Variants in LRRC7 observed in about 807,000 individuals in gnomAD.
The protein encoded by LRRC7 is leucine-rich repeat-containing protein 7.
Under a neutral mutation model 175.7 loss-of-function variants are expected in LRRC7, and 23 were observed. That is an observed-to-expected ratio of 0.13 (90% CI 0.09 to 0.19). LRRC7 has a LOEUF of 0.19. Ranked by LOEUF, LRRC7 falls within the 10% of genes least tolerant of loss-of-function variation. The pLI is 1.00. For synonymous variants in LRRC7, 685 were observed against 680.9 expected (o/e 1.01, Z -0.09); for missense variants, 1,354 against 1,904.7 (o/e 0.71, Z 5.38).
chr1:69,924,916 G>A (rs1252498966), intron 7 of LRRC7, among the ~76,000 whole-genome samples: 1 of 152,168 alleles, frequency 6.6e-6, no homozygotes, highest in Non-Finnish European at 1.5e-5. Context: ...TGCCCATTCA[G>A]TATGGTATTG....
At chr1:69,794,839 T>G (rs1675528883) in intron 4 of LRRC7, among the ~76,000 whole-genome samples, 1 of 152,222 alleles carries the variant, frequency 6.6e-6, no homozygotes, top group Non-Finnish European at 1.5e-5. Flanking sequence ...TTATATTTTT[T>G]CAACTCAGAA....
intron 1 of LRRC7, among the ~76,000 whole-genome samples, chr1:69,571,179 C>A (rs890190833): frequency 6.6e-6 from 1 of 152,152 alleles, no homozygotes; most frequent in African/African-American, 2.4e-5. Context: ...TGTGTACTTA[C>A]CATGGCCAAC....
At position 70,143,639 on chromosome 1, in the gene LRRC7, G is replaced by A. The variant is rs1667172971; in HGVS notation, c.*21752G>A. The A allele has an allele frequency of 6.6e-6, 1 of 152,070 alleles. No individual in the cohort carries two copies. The highest frequency in any genetic ancestry group is 1.5e-5 in the Non-Finnish European group (1 of 67,996). 9.4% of individuals were successfully genotyped at this position (152,070 alleles called of 1,614,324 possible). On this transcript the variant is annotated 3_prime_UTR_variant, in exon 27 of 27. Transcript: ENST00000651989. ...GGTGGCTGTATACAAATTCGGGTGG[G>A]AGGGGGCAGGAAACACCTCTTCACA...
At chr1:69,650,104 A>C (rs1275138330) in intron 1 of LRRC7, among the ~76,000 whole-genome samples, 1 of 152,196 alleles carries the variant, frequency 6.6e-6, no homozygotes, top group Non-Finnish European at 1.5e-5. Context: ...CAACAGTAAT[A>C]ATCTTACTCC....
chr1:70,039,228 C>A lies in LRRC7; in HGVS notation c.3404C>A (p.Ala1135Asp). Residue 1135 changes from alanine to aspartate, a missense_variant, in exon 21 of 27, where the codon GCT becomes GAT. Physicochemically the swap from Ala to Asp is moderately radical, Grantham distance 126. Coordinates refer to ENST00000651989, the MANE Select transcript of LRRC7 (RefSeq NM_001370785.2). Reference protein sequence around the residue: ...SFSQPSVNEDAVVNAQFASQG... With the variant: ...SFSQPSVNEDDVVNAQFASQG... Reference sequence around the variant, plus strand: ...TCTCAGCCATCTGTGAATGAGGATGCTGTGGTGAATGCCCAGTTCGCAAGC... The same window carrying A: ...TCTCAGCCATCTGTGAATGAGGATGATGTGGTGAATGCCCAGTTCGCAAGC... The A allele has an allele frequency of 6.2e-7, 1 of 1,613,824 alleles. No individual in the cohort carries two copies.
intron 10 of LRRC7, among the ~76,000 whole-genome samples, chr1:69,993,305 T>C (rs1002130388): frequency 3.9e-5 from 6 of 152,288 alleles, no homozygotes; most frequent in Middle Eastern, 3.4e-3. Context: ...AGTCTGATAG[T>C]GATAACATTT....
intron 13 of LRRC7, among the ~76,000 whole-genome samples, chr1:70,015,392 A>G (rs770385308): frequency 1.3e-5 from 2 of 152,098 alleles, no homozygotes; most frequent in Non-Finnish European, 2.9e-5. Context: ...TAATTACTGT[A>G]AGATTGCCCA....
At chr1:70,066,770 A>G (rs770771869) in intron 23 of LRRC7, among the ~76,000 whole-genome samples, 3 of 152,068 alleles carry the variant, frequency 2.0e-5, no homozygotes. Flanking sequence ...GCTGGATCAT[A>G]TGGTACTTGC....
In LRRC7 at chr1:69,568,607, C is replaced by G; in HGVS notation, c.-33C>G. On this transcript the variant is annotated 5_prime_UTR_variant, in exon 1 of 27. Coordinates refer to ENST00000651989, the MANE Select transcript of LRRC7 (RefSeq NM_001370785.2). ...CTTGGCAGCTGCACGACTACGCTCT[C>G]CGAAACCTCATGGGCAGTTTCTCCC... is the stretch of plus-strand genomic sequence containing the variant. 4 of 1,350,626 alleles carry G rather than the reference C, an allele frequency of 3.0e-6. No individual in the cohort carries two copies. Among genetic ancestry groups the G allele is most frequent in the Non-Finnish European group, 3.9e-6 (4 of 1,015,436 alleles). The allele number at this position is 1,350,626 out of a possible 1,614,324, so 83.7% of individuals were successfully genotyped here. A position where few individuals can be genotyped will look rare whatever the true frequency, so the allele number is the denominator to read the frequency against.
Position 70,039,042 on chromosome 1 carries a change from A to T in LRRC7, c.3218A>T (p.Asn1073Ile), listed in dbSNP as rs1205492200. Residue 1073 changes from asparagine (N) to isoleucine (I), a missense_variant, in exon 21 of 27, where the codon AAT becomes ATT. This residue lies in a region of LRRC7 where 1,032 missense variants were observed against 1,227.2 expected (regional missense o/e 0.84). Transcript: ENST00000651989. ...GTCTATCAGTTTGACCAAAGCTTCAATCCTCAAGGATCAGTGGAAGTGAAA... is the reference window on the plus strand; with the variant it reads ...GTCTATCAGTTTGACCAAAGCTTCATTCCTCAAGGATCAGTGGAAGTGAAA... ...KKVYQFDQSF[N>I]PQGSVEVKAE... is the part of the protein sequence containing the mutation. The T allele has an allele frequency of 6.2e-7, 1 of 1,613,960 alleles. No homozygotes were observed. Among genetic ancestry groups the T allele is most frequent in the Non-Finnish European group, 8.5e-7 (1 of 1,180,002 alleles).
intron 23 of LRRC7, among the ~76,000 whole-genome samples, chr1:70,054,783 G>C (rs963329883): frequency 6.6e-6 from 1 of 150,982 alleles, no homozygotes; most frequent in Non-Finnish European, 1.5e-5. Flanking sequence ...GTAGAGACAG[G>C]GTTTCACCGT....
intron 2 of LRRC7, among the ~76,000 whole-genome samples, chr1:69,750,291 T>A (rs979841055): frequency 6.6e-6 from 1 of 151,874 alleles, no homozygotes; most frequent in Non-Finnish European, 1.5e-5. Flanking sequence ...TTAGCAATAA[T>A]GTATATTTTG....
intron 8 of LRRC7, among the ~76,000 whole-genome samples, chr1:69,941,694 T>C (rs1648728670): frequency 6.6e-6 from 1 of 151,940 alleles, no homozygotes; most frequent in Non-Finnish European, 1.5e-5. Flanking sequence ...CAAATAAAAA[T>C]CATAAAATAT....
At chr1:70,093,067 C>G (rs1404355466) in intron 25 of LRRC7, among the ~76,000 whole-genome samples, 2 of 152,074 alleles carry the variant, frequency 1.3e-5, no homozygotes, top group East Asian at 3.9e-4. Context: ...GCAGAAACTG[C>G]TTTTACATAC....
chr1:70,019,399 A>G (rs1160977949), intron 15 of LRRC7, among the ~76,000 whole-genome samples: 2 of 152,166 alleles, frequency 1.3e-5, no homozygotes, highest in East Asian at 3.9e-4. Context: ...TCATTTAAAA[A>G]GGTTAAAAGA....
At chr1:69,952,884 T>G (rs376370538) in intron 8 of LRRC7, among the ~76,000 whole-genome samples, 1 of 151,516 alleles carries the variant, frequency 6.6e-6, no homozygotes, top group African/African-American at 2.4e-5. Flanking sequence ...TCAACAGAAA[T>G]TTTTTGAACT....
intron 5 of LRRC7, among the ~76,000 whole-genome samples, chr1:69,834,425 A>T (rs941124536): frequency 6.6e-6 from 1 of 152,126 alleles, no homozygotes; most frequent in Non-Finnish European, 1.5e-5. Context: ...AAAAAGGAAC[A>T]TTAGTTTTAA....
Position 70,122,927 on chromosome 1 carries a change from T to C in LRRC7, c.*1040T>C, listed in dbSNP as rs191949631. 1.3e-5 allele frequency: 2 copies of C among 152,684 alleles called. No individual in the cohort carries two copies. The highest frequency in any genetic ancestry group is 1.3e-4 in the Admixed American group (2 of 15,286). 9.5% of individuals were successfully genotyped at this position (152,684 alleles called of 1,614,324 possible). ...GTTAGAAAGTTATGGTAGGTGATTT[T>C]AAATCCTTGGTATTTAAATATGAAA... On this transcript the variant is annotated 3_prime_UTR_variant, in exon 27 of 27. Transcript: ENST00000651989.
chr1:69,875,281 G>C (rs555548006), intron 7 of LRRC7, among the ~76,000 whole-genome samples: 1 of 152,140 alleles, frequency 6.6e-6, no homozygotes, highest in South Asian at 2.1e-4. Context: ...GTCTGCATCA[G>C]TGTGCAGACT....
Sources: allele counts gnomAD v4.1 joint callset (sites outside exome capture counted in the v4.1 genomes callset), GRCh38; gene constraint gnomAD v4.1.1; regional missense constraint gnomAD v4.1.1; transcripts MANE v1.5; gene names NCBI Gene and HGNC (gene_info 2026-07-23, HGNC 2026-07-21).